Variants in MAP4K4 observed in about 807,000 individuals in gnomAD.
MAP4K4 encodes the protein HPK/GCK-like kinase HGK.
A neutral mutation model predicts 189.6 loss-of-function variants in MAP4K4; 38 were observed. The observed-to-expected ratio is 0.20, with a 90% CI of 0.15 to 0.26. MAP4K4 has a LOEUF of 0.26. Ranked by LOEUF, MAP4K4 falls within the 10% of genes least tolerant of loss-of-function variation. The pLI, the probability that MAP4K4 is intolerant of heterozygous loss-of-function variation, is 1.00. For missense variants in MAP4K4, 1,054 were observed against 1,726.9 expected (o/e 0.61, Z 6.91); for synonymous variants, 610 against 624.3 (o/e 0.98, Z 0.34).
intron 2 of MAP4K4, among the ~76,000 whole-genome samples, chr2:101,729,018 T>A (rs1340887227): frequency 6.7e-6 from 1 of 150,140 alleles, no homozygotes; most frequent in Non-Finnish European, 1.5e-5. Flanking sequence ...ATGTAATGAA[T>A]GAAACAGATG....
chr2:101,840,879 T>C (rs1027578652), intron 10 of MAP4K4, among the ~76,000 whole-genome samples: 1 of 152,258 alleles, frequency 6.6e-6, no homozygotes, highest in African/African-American at 2.4e-5. Context: ...CAGAATAACC[T>C]TTTTCCTTCT....
chr2:101,739,758 G>A (rs1176001903), intron 2 of MAP4K4, among the ~76,000 whole-genome samples: 1 of 152,238 alleles, frequency 6.6e-6, no homozygotes, highest in African/African-American at 2.4e-5. Context: ...GATTAGAGTT[G>A]TTAATTACCT....
chr2:101,871,631 G>C (rs969083770), exon 24 of MAP4K4: 1 of 1,536,642 alleles, frequency 6.5e-7, no homozygotes, highest in Non-Finnish European at 8.7e-7. Context: ...CCTCCAGCCA[G>C]CCGACACCCA....
intron 2 of MAP4K4, among the ~76,000 whole-genome samples, chr2:101,735,834 T>C (rs1470758119): frequency 6.6e-6 from 1 of 152,224 alleles, no homozygotes; most frequent in Non-Finnish European, 1.5e-5. Context: ...AAATGAGTTC[T>C]GGCTGACAGG....
chr2:101,844,869 A>G (rs1164149546), intron 12 of MAP4K4, among the ~76,000 whole-genome samples: 2 of 152,128 alleles, frequency 1.3e-5, no homozygotes, highest in African/African-American at 4.8e-5. Context: ...GCAAACCACC[A>G]TGGCACACGT....
exon 25 of MAP4K4, chr2:101,873,743 G>C (rs534441332): frequency 6.2e-7 from 1 of 1,607,334 alleles, no homozygotes. Flanking sequence ...TCCATCTAGC[G>C]GAACAACAGT....
At chr2:101,848,094 G>A (rs1321112419) in intron 12 of MAP4K4, among the ~76,000 whole-genome samples, 1 of 152,162 alleles carries the variant, frequency 6.6e-6, no homozygotes, top group African/African-American at 2.4e-5. Context: ...AGGTTTGTGT[G>A]TGCACACTAT....
At chr2:101,850,740 C>T (rs886800366) in intron 12 of MAP4K4, among the ~76,000 whole-genome samples, 1 of 152,194 alleles carries the variant, frequency 6.6e-6, no homozygotes, top group Admixed American at 6.5e-5. Flanking sequence ...AAGAACTCCT[C>T]ATAAGTTCTT....
intron 12 of MAP4K4, among the ~76,000 whole-genome samples, chr2:101,848,393 C>T (rs185064676): frequency 4.6e-5 from 7 of 152,266 alleles, no homozygotes; most frequent in East Asian, 1.9e-4. Flanking sequence ...ATAATTGGTT[C>T]GTAGCCCTTT....
chr2:101,704,211 G>T (rs1196641094), intron 2 of MAP4K4, among the ~76,000 whole-genome samples: 2 of 152,048 alleles, frequency 1.3e-5, no homozygotes, highest in Admixed American at 6.6e-5. Flanking sequence ...ATCTGCCACT[G>T]AGAGGCATGT....
Position 101,813,674 on chromosome 2 carries a change from C to G in MAP4K4, c.181-10254C>G, listed in dbSNP as rs1298437240. On this transcript the variant is annotated intron_variant, in intron 3 of 32. Coordinates refer to ENST00000324219, the Ensembl canonical transcript of MAP4K4. ...TGTTTGGAAGAGAGGATATGGGACA[C>G]ATTTTTATGAGTTTCTGTGGTGGTG... 1.3e-4 allele frequency among the ~76,000 whole-genome samples: 20 copies of G among 152,154 alleles called. 1 individual carries two copies. Among genetic ancestry groups the G allele is most frequent in the Non-Finnish European group, 2.9e-4 (20 of 68,016 alleles).
intron 2 of MAP4K4, among the ~76,000 whole-genome samples, chr2:101,778,913 G>A (rs1219194371): frequency 6.6e-6 from 1 of 152,044 alleles, no homozygotes; most frequent in Admixed American, 6.6e-5. Flanking sequence ...CACCTGAGTC[G>A]GAATTCCACC....
chr2:101,830,935 T>C (rs1297351530), intron 6 of MAP4K4, among the ~76,000 whole-genome samples: 1 of 152,202 alleles, frequency 6.6e-6, no homozygotes, highest in African/African-American at 2.4e-5. Flanking sequence ...TTTCTGAGCG[T>C]GTTCTGTGCA....
At chr2:101,859,766 T>C (rs1395835503) in exon 15 of MAP4K4, 2 of 1,610,400 alleles carry the variant, frequency 1.2e-6, no homozygotes, top group Admixed American at 1.7e-5. Context: ...CCCGCAGCAC[T>C]CGCAGCAGCC....
intron 2 of MAP4K4, among the ~76,000 whole-genome samples, chr2:101,723,386 T>C (rs1446700829): frequency 6.6e-6 from 1 of 152,220 alleles, no homozygotes; most frequent in Admixed American, 6.5e-5. Context: ...TGAAGATGTT[T>C]AGATGCATAT....
At chr2:101,734,585 C>T (rs1023106484) in intron 2 of MAP4K4, among the ~76,000 whole-genome samples, 6 of 63,840 alleles carry the variant, frequency 9.4e-5, no homozygotes, top group Admixed American at 2.8e-4. Context: ...CATTTACCCG[C>T]GCACACAATC....
intron 3 of MAP4K4, among the ~76,000 whole-genome samples, chr2:101,814,351 C>T (rs1360066228): frequency 6.6e-6 from 1 of 152,138 alleles, no homozygotes; most frequent in Non-Finnish European, 1.5e-5. Context: ...TGAGTAACTT[C>T]TGTGGAAAGC....
chr2:101,737,457 ATATATTTTTTT>A (rs1173586214), intron 2 of MAP4K4, among the ~76,000 whole-genome samples: 86 of 34,628 alleles, frequency 2.5e-3, no homozygotes, highest in African/African-American at 0.012. Flanking sequence ...ATATATATAT[ATATATTTTTTT>A]TTTTTTTTTT....
At chr2:101,804,053 C>G (rs914492314) in intron 3 of MAP4K4, among the ~76,000 whole-genome samples, 1 of 152,240 alleles carries the variant, frequency 6.6e-6, no homozygotes, top group African/African-American at 2.4e-5. Flanking sequence ...TCTCTCTGCT[C>G]CAAGGGCAGA....
Sources: gnomAD v4.1 joint callset for allele counts (sites outside exome capture counted in the v4.1 genomes callset) on GRCh38, gnomAD v4.1.1 for gene constraint, MANE v1.5 for transcripts, NCBI Gene and HGNC (gene_info 2026-07-23, HGNC 2026-07-21) for gene names.